Variants in SPRED2 observed in about 807,000 individuals in gnomAD.
SPRED2 encodes the protein sprouty related EVH1 domain containing 2, also known as sprouty-related, EVH1 domain-containing protein 2.
A neutral mutation model predicts 43.0 loss-of-function variants in SPRED2; 47 were observed. That is an observed-to-expected ratio of 1.09 (90% CI 0.87 to 1.40). The LOEUF (loss-of-function observed/expected upper bound fraction) is 1.40, where lower values mean the gene tolerates loss of function less well. Among genes scored for constraint, SPRED2 ranks in the 40% most tolerant of loss-of-function variants. The probability of loss-of-function intolerance (pLI) is 0.00; values close to 1 mark genes in which losing one functional copy is unlikely to be tolerated. For missense variants in SPRED2, 561 were observed against 586.4 expected (o/e 0.96, Z 0.45); for synonymous variants, 225 against 225.7 (o/e 1.00, Z 0.03).
intron 3 of SPRED2, among the ~76,000 whole-genome samples, chr2:65,333,180 C>T (rs984724859): frequency 3.3e-5 from 5 of 150,290 alleles, no homozygotes; most frequent in East Asian, 1.9e-4. Flanking sequence ...GCATGAGAAT[C>T]GCTTGAACCT....
intron 1 of SPRED2, among the ~76,000 whole-genome samples, chr2:65,388,230 AAAAGAAAG>A (rs1160052464): frequency 1.3e-5 from 2 of 152,240 alleles, no homozygotes; most frequent in Non-Finnish European, 2.9e-5. Context: ...GTGTATGGGG[AAAAGAAAG>A]TTCAACCTGA....
At chr2:65,375,923 C>T (rs2103624624) in intron 1 of SPRED2, among the ~76,000 whole-genome samples, 1 of 152,218 alleles carries the variant, frequency 6.6e-6, no homozygotes, top group South Asian at 2.1e-4. Context: ...TTGAACATTC[C>T]AAAGCTACCA....
chr2:65,378,967 G>A (rs1489980766), intron 1 of SPRED2, among the ~76,000 whole-genome samples: 2 of 152,142 alleles, frequency 1.3e-5, no homozygotes, highest in African/African-American at 4.8e-5. Flanking sequence ...GGGGCAGCTG[G>A]ATGCTCTCTG....
intron 4 of SPRED2, among the ~76,000 whole-genome samples, chr2:65,319,425 G>A (rs1673344719): frequency 6.6e-6 from 1 of 152,198 alleles, no homozygotes; most frequent in South Asian, 2.1e-4. Flanking sequence ...ACTTGTCTGA[G>A]GATGGGAGCA....
At chr2:65,386,660 T>A (rs1489391637) in intron 1 of SPRED2, among the ~76,000 whole-genome samples, 1 of 152,220 alleles carries the variant, frequency 6.6e-6, no homozygotes, top group Non-Finnish European at 1.5e-5. Context: ...GCTTCCATTT[T>A]TATAGAGGAA....
At chr2:65,358,828 C>T (rs180721316) in intron 1 of SPRED2, among the ~76,000 whole-genome samples, 2 of 152,342 alleles carry the variant, frequency 1.3e-5, no homozygotes, top group East Asian at 3.9e-4. Context: ...CTGACAGTCT[C>T]CTTGACAAGA....
chr2:65,331,535 G>A (rs192492542), intron 4 of SPRED2, among the ~76,000 whole-genome samples: 110 of 152,314 alleles, frequency 7.2e-4, no homozygotes, highest in African/African-American at 2.4e-3. Context: ...TACTCATCAG[G>A]AAAGATACTG....
intron 1 of SPRED2, among the ~76,000 whole-genome samples, chr2:65,401,806 T>A (rs540857561): frequency 1.2e-3 from 183 of 150,220 alleles, no homozygotes; most frequent in African/African-American, 4.2e-3. Context: ...TCTCAAAAAA[T>A]AAATAAATAA....
chr2:65,407,207 G>C (rs947264813), intron 1 of SPRED2, among the ~76,000 whole-genome samples: 4 of 147,232 alleles, frequency 2.7e-5, no homozygotes, highest in African/African-American at 1.0e-4. Flanking sequence ...AATTACAGGT[G>C]TGAGCCATAG....
intron 1 of SPRED2, among the ~76,000 whole-genome samples, chr2:65,398,141 G>T (rs1199538497): frequency 6.6e-6 from 1 of 152,136 alleles, no homozygotes; most frequent in Admixed American, 6.5e-5. Context: ...AGCAGAAAAA[G>T]AACACCCTAT....
In SPRED2 at chr2:65,401,931, G is replaced by GCGCGCA. The variant is rs1553426581; in HGVS notation, c.26+30030_26+30031insTGCGCG. Among the ~76,000 whole-genome samples, 115 of 77,852 alleles carry GCGCGCA rather than the reference G, an allele frequency of 1.5e-3. 1 individual carries two copies. Among genetic ancestry groups the GCGCGCA allele is most frequent in the African/African-American group, 5.1e-3 (84 of 16,516 alleles). 51.1% of individuals were successfully genotyped at this position (77,852 alleles called of 152,430 possible). A position where few individuals can be genotyped will look rare whatever the true frequency, so the allele number is the denominator to read the frequency against. ...TGTAAAACGATCAGAATATTAGCGCGCGCGCGCACACACACACACACACAC... is the reference window on the plus strand; with the variant it reads ...TGTAAAACGATCAGAATATTAGCGCGCGCGCACGCGCGCACACACACACACACACAC... On this transcript the variant is annotated intron_variant, in intron 1 of 5. Coordinates refer to ENST00000356388, the MANE Select transcript of SPRED2 (RefSeq NM_181784.3).
chr2:65,383,441 C>A (rs962903223), intron 1 of SPRED2, among the ~76,000 whole-genome samples: 1 of 152,188 alleles, frequency 6.6e-6, no homozygotes, highest in Non-Finnish European at 1.5e-5. Context: ...CTGTGGTATT[C>A]AACAGGGAAT....
chr2:65,338,232 C>T (rs1183941607), intron 2 of SPRED2, among the ~76,000 whole-genome samples: 1 of 121,558 alleles, frequency 8.2e-6, no homozygotes, highest in East Asian at 2.4e-4. Flanking sequence ...TCTCCCTCTC[C>T]CGTCTCCCTC....
intron 1 of SPRED2, among the ~76,000 whole-genome samples, chr2:65,420,185 G>A (rs1676388733): frequency 2.1e-5 from 3 of 145,886 alleles, no homozygotes; most frequent in African/African-American, 7.9e-5. Flanking sequence ...ATTCCAGCCT[G>A]GGCAACAGAG....
intron 1 of SPRED2, among the ~76,000 whole-genome samples, chr2:65,364,402 G>T (rs1317242719): frequency 6.6e-6 from 1 of 152,218 alleles, no homozygotes; most frequent in Non-Finnish European, 1.5e-5. Flanking sequence ...AATGATATGA[G>T]ACCTTTGGAA....
At chr2:65,317,699 G>T (rs1461890791) in intron 4 of SPRED2, among the ~76,000 whole-genome samples, 1 of 152,188 alleles carries the variant, frequency 6.6e-6, no homozygotes, top group African/African-American at 2.4e-5. Flanking sequence ...ACCTGGGAGA[G>T]TCTCAGAGGT....
Position 65,316,831 on chromosome 2 carries a change from C to G in SPRED2, c.491G>C (p.Arg164Pro), listed in dbSNP as rs756682424. ...ACAGGATGTGGGAGAGGAGATTGTC[C>G]GAGTAGGTTGCTCTCTCTTCTGAGA... The part of the protein sequence containing the change: ...NSSQKREQPT[R>P]TISSPTSCEH... The change falls in exon 5 of 6, where the codon CGG (arginine) becomes CCG (proline). Residue 164 changes from arginine to proline, a missense_variant. Transcript: ENST00000356388. 4 of 1,613,786 alleles carry G rather than the reference C, an allele frequency of 2.5e-6. No homozygotes were observed. The South Asian group carries it at 4.4e-5, about 18-fold the overall frequency.
At position 65,344,860 on chromosome 2, in the gene SPRED2, C is replaced by T. The variant is rs76336053; in HGVS notation, c.63G>A (p.Met21Ile). ...SYIVRVKAVVMTRDDSSGGWF... is the reference protein window; with the variant it reads ...SYIVRVKAVVITRDDSSGGWF... ...ATCCCCCGCTGGAGTCATCTCTGGT[C>T]ATAACCACAGCCTTGACACGCACAA... is the stretch of plus-strand genomic sequence containing the variant. Residue 21 changes from methionine (M) to isoleucine (I), a missense_variant, in exon 2 of 6, where the codon ATG (methionine) becomes ATA (isoleucine). Transcript: ENST00000356388. 6.2e-7 allele frequency: 1 copy of T among 1,614,140 alleles called. No homozygotes were observed. Among genetic ancestry groups the T allele is most frequent in the South Asian group, 1.1e-5 (1 of 91,076 alleles).
At chr2:65,325,341 T>G (rs142854333) in intron 4 of SPRED2, among the ~76,000 whole-genome samples, 1 of 152,192 alleles carries the variant, frequency 6.6e-6, no homozygotes, top group Non-Finnish European at 1.5e-5. Context: ...TAGAAAACAA[T>G]GTTAAAGAAA....
Sources: allele counts gnomAD v4.1 joint callset (sites outside exome capture counted in the v4.1 genomes callset), GRCh38; gene constraint gnomAD v4.1.1; transcripts MANE v1.5; gene names NCBI Gene and HGNC (gene_info 2026-07-23, HGNC 2026-07-21).